Variants in RRH observed in about 807,000 individuals in gnomAD.
The protein encoded by RRH is retinal pigment epithelium-derived rhodopsin homolog.
Under a neutral mutation model 33.1 loss-of-function variants are expected in RRH, and 36 were observed. The ratio of observed to expected loss-of-function variants is 1.09; its 90% CI spans 0.83 to 1.44. The LOEUF is 1.44. Among genes scored for constraint, RRH ranks in the 40% most tolerant of loss-of-function variants. RRH has a pLI of 0.00. For missense variants in RRH, 393 were observed against 420.2 expected, an observed-to-expected ratio of 0.94 and a Z score of 0.57; for synonymous variants, 124 against 140.2, an observed-to-expected ratio of 0.88 and a Z score of 0.82.
At chr4:109,836,255 C>T (rs1278130753) in intron 4 of RRH, 95 bp downstream of exon 4, 4 of 1,338,842 alleles carry the variant, frequency 3.0e-6, no homozygotes, top group South Asian at 1.2e-5. Flanking sequence ...GTTCCTCATA[C>T]AGAAGGTGGC....
chr4:109,841,227 T>C (rs1023582967), intron 5 of RRH, among the ~76,000 whole-genome samples: 1 of 152,062 alleles, frequency 6.6e-6, no homozygotes. Flanking sequence ...TAGGTAACTA[T>C]ATCTTTAGGT....
rs781550045 is a variant in RRH, at chr4:109,842,604, T to A, written c.856T>A (p.Ser286Thr). 1 of 1,614,020 alleles carries A rather than the reference T, an allele frequency of 6.2e-7. No homozygotes were observed. ...CATAGCTCCACTGTTTGCAAAATCT[T>A]CTACATTCTATAACCCCTGCATTTA... ...AIIAPLFAKS[S>T]TFYNPCIYVV... The change falls in exon 6 of 7, where the codon TCT becomes ACT. Residue 286 changes from serine (S) to threonine (T), a missense_variant. Physicochemically the swap from Ser to Thr is moderately conservative, Grantham distance 58. Coordinates refer to ENST00000317735, the MANE Select transcript of RRH (RefSeq NM_006583.5).
Position 109,836,172 on chromosome 4 carries a change from G to A in RRH, c.551+12G>A. The A allele has an allele frequency of 6.2e-7, 1 of 1,613,462 alleles. No homozygotes were observed. Among genetic ancestry groups the A allele is most frequent in the Non-Finnish European group, 8.5e-7 (1 of 1,179,458 alleles). On this transcript the variant is annotated intron_variant, in intron 4 of 6. Transcript: ENST00000317735. ...AGGAAAAATGATAGGTAAGAGACAA[G>A]TTTACACTTTATAATCAAATGCTTC...
Position 109,837,583 on chromosome 4 carries a change from C to T in RRH, c.698C>T (p.Ser233Leu). Residue 233 changes from serine (S) to leucine (L), a missense_variant, in exon 5 of 7, where the codon TCA becomes TTA. Transcript: ENST00000317735. ...ACTGAGTCCCTCAACAGAGACTGGT[C>T]AGATCAGATAGATGTAACAAAGGTA... Reference protein sequence around the residue: ...DCTESLNRDWSDQIDVTKMSV... With the variant: ...DCTESLNRDWLDQIDVTKMSV... The T allele has an allele frequency of 2.5e-6, 4 of 1,613,818 alleles. No individual in the cohort carries two copies. Among genetic ancestry groups the T allele is most frequent in the Non-Finnish European group, 3.4e-6 (4 of 1,179,760 alleles).
chr4:109,835,725 A>G (rs1456468027), intron 3 of RRH, among the ~76,000 whole-genome samples: 1 of 152,090 alleles, frequency 6.6e-6, no homozygotes, highest in East Asian at 1.9e-4. Context: ...AGGTTTGGAA[A>G]GCTACTCTTC....
intron 5 of RRH, among the ~76,000 whole-genome samples, chr4:109,840,966 A>G (rs1295720769): frequency 1.3e-5 from 2 of 152,060 alleles, no homozygotes; most frequent in Non-Finnish European, 2.9e-5. Flanking sequence ...CACTGTGATT[A>G]TCTGCTAATC....
intron 1 of RRH, among the ~76,000 whole-genome samples, chr4:109,831,020 C>T (rs1176694258): frequency 6.6e-6 from 1 of 152,160 alleles, no homozygotes; most frequent in African/African-American, 2.4e-5. Context: ...AGACCTACAG[C>T]TGTGGAAACA....
chr4:109,844,251 T>C lies in RRH; in HGVS notation c.*54T>C. ...CACTTTAGTTTTTTGACAATGCTTT[T>C]CTTTTAAATATGAGCCCATTTAGAT... On this transcript the variant is annotated 3_prime_UTR_variant, in exon 7 of 7. Coordinates refer to ENST00000317735, the MANE Select transcript of RRH (RefSeq NM_006583.5). The C allele has an allele frequency of 9.0e-7, 1 of 1,116,404 alleles. No individual in the cohort carries two copies. The highest frequency in any genetic ancestry group is 1.4e-6 in the Non-Finnish European group (1 of 730,930). 69.2% of individuals were successfully genotyped at this position (1,116,404 alleles called of 1,614,324 possible).
At position 109,844,366 on chromosome 4, in the gene RRH, G is replaced by A. The variant is rs1734042636; in HGVS notation, c.*169G>A. 3.6e-6 allele frequency: 2 copies of A among 551,136 alleles called. No individual in the cohort carries two copies. The highest frequency in any genetic ancestry group is 1.9e-5 in the South Asian group (1 of 52,882). 34.1% of individuals were successfully genotyped at this position (551,136 alleles called of 1,614,324 possible). A position where few individuals can be genotyped will look rare whatever the true frequency, so the allele number is the denominator to read the frequency against. On this transcript the variant is annotated 3_prime_UTR_variant, in exon 7 of 7. Transcript: ENST00000317735. ...GTTTGTGCACTCTGGCTGCTGTAGTGTATGCTTCTCTGTGTCCTGATATAT... is the reference window on the plus strand; with the variant it reads ...GTTTGTGCACTCTGGCTGCTGTAGTATATGCTTCTCTGTGTCCTGATATAT...
intron 5 of RRH, among the ~76,000 whole-genome samples, chr4:109,841,739 G>A (rs1476673515): frequency 6.6e-6 from 1 of 151,820 alleles, no homozygotes; most frequent in Non-Finnish European, 1.5e-5. Flanking sequence ...TTATCCAATG[G>A]CCATTTTTTC....
chr4:109,844,745 C>T lies in RRH; in HGVS notation c.*548C>T, dbSNP rs1734049622. On this transcript the variant is annotated 3_prime_UTR_variant, in exon 7 of 7. Coordinates refer to ENST00000317735, the MANE Select transcript of RRH (RefSeq NM_006583.5). ...GCATATATATTATATAGCATTATGA[C>T]CCCTGTGCATATTTTGATGTTTTCT... The T allele has an allele frequency of 6.5e-6, 1 of 152,724 alleles. No homozygotes were observed. Among genetic ancestry groups the T allele is most frequent in the South Asian group, 2.1e-4 (1 of 4,860 alleles). The allele number at this position is 152,724 out of a possible 1,614,324, so 9.5% of individuals were successfully genotyped here. A position where few individuals can be genotyped will look rare whatever the true frequency, so the allele number is the denominator to read the frequency against.
At chr4:109,835,527 A>T in intron 3 of RRH, 62 bp downstream of exon 3, 1 of 1,087,294 alleles carries the variant, frequency 9.2e-7, no homozygotes, top group South Asian at 1.2e-5. Context: ...CACTCAATAT[A>T]TATATACGCT....
intron 1 of RRH, among the ~76,000 whole-genome samples, chr4:109,830,535 G>A (rs62324954): frequency 0.19 from 28,484 of 151,914 alleles, 2,813 homozygotes; most frequent in Middle Eastern, 0.26. Flanking sequence ...ATGATGCCTA[G>A]GTTTCTTTTT....
chr4:109,842,356 A>C, intron 5 of RRH, 113 bp from the exon 6 acceptor site: 1 of 1,031,934 alleles, frequency 9.7e-7, no homozygotes, highest in Non-Finnish European at 1.4e-6. Context: ...TTATGTCATC[A>C]AAAACATAAA....
chr4:109,833,060 G>C, intron 1 of RRH, 79 bp from the exon 2 acceptor site: 1 of 1,150,776 alleles, frequency 8.7e-7, no homozygotes, highest in Admixed American at 1.8e-5. Context: ...TTTTAAAGGG[G>C]CTTAAATATT....
chr4:109,835,395 A>T lies in RRH; in HGVS notation c.327A>T (p.Gly109=). The T allele has an allele frequency of 1.2e-6, 2 of 1,613,932 alleles. No homozygotes were observed. The highest frequency in any genetic ancestry group is 1.7e-6 in the Non-Finnish European group (2 of 1,179,910). Residue 109 remains glycine (G), a synonymous_variant, in exon 3 of 7, where the codon GGA becomes GGT. Coordinates refer to ENST00000317735, the MANE Select transcript of RRH (RefSeq NM_006583.5). The part of the protein sequence containing the change: ...QVYAGLNIFF[G]MASIGLLTVV... The stretch of plus-strand genomic sequence containing the variant: ...ATGCTGGATTGAATATTTTTTTTGG[A>T]ATGGCAAGCATTGGATTACTCACGG...
At chr4:109,833,463 A>G (rs1733805934) in intron 2 of RRH, 134 bp downstream of exon 2, 1 of 712,044 alleles carries the variant, frequency 1.4e-6, no homozygotes, top group Non-Finnish European at 2.4e-6. Context: ...GGAAAACAAC[A>G]GAAGTGACTA....
chr4:109,829,791 G>T (rs1436794819), intron 1 of RRH, among the ~76,000 whole-genome samples: 1 of 152,158 alleles, frequency 6.6e-6, no homozygotes, highest in Admixed American at 6.6e-5. Flanking sequence ...CCAAGAGTCA[G>T]CTTTATCAAG....
chr4:109,828,837 A>G (rs564628841), intron 1 of RRH, among the ~76,000 whole-genome samples: 1 of 152,126 alleles, frequency 6.6e-6, no homozygotes, highest in Non-Finnish European at 1.5e-5. Flanking sequence ...TGATTGTTAT[A>G]AGGAGTAAAA....
Sources: allele counts gnomAD v4.1 joint callset (sites outside exome capture counted in the v4.1 genomes callset), GRCh38; gene constraint gnomAD v4.1.1; transcripts MANE v1.5; gene names NCBI Gene and HGNC (gene_info 2026-07-23, HGNC 2026-07-21).